Variants in ADARB2 observed in about 807,000 individuals in gnomAD.
ADARB2 encodes inactive double-stranded RNA-specific editase B2.
A neutral mutation model predicts 62.2 loss-of-function variants in ADARB2; 25 were observed. The observed-to-expected ratio is 0.40, with a 90% confidence interval of 0.29 to 0.56. The LOEUF (loss-of-function observed/expected upper bound fraction) is 0.56. Ranked by LOEUF, ADARB2 falls within the 20% of genes least tolerant of loss-of-function variation. ADARB2 has a pLI of 0.43. For synonymous variants in ADARB2, 572 were observed against 500.8 expected (o/e 1.14, Z -1.90); for missense variants, 1,071 against 1,077.4 (o/e 0.99, Z 0.08).
At position 1,499,692 on chromosome 10, in the gene ADARB2, C is replaced by T. The variant is rs181847577; in HGVS notation, c.101-120532G>A. 4.6e-5 allele frequency among the ~76,000 whole-genome samples: 7 copies of T among 152,150 alleles called. No individual in the cohort carries two copies. In the East Asian group the frequency reaches 1.4e-3, roughly 29 times the overall value. ...ACTCACCCATTAGCCATCATTCACT[C>T]ATTACTCACTCATAATTCATTCATC... On this transcript the variant is annotated intron_variant, in intron 1 of 9. Coordinates refer to ENST00000381312, the MANE Select transcript of ADARB2 (RefSeq NM_018702.4).
At chr10:1,469,050 G>C (rs989135811) in intron 1 of ADARB2, among the ~76,000 whole-genome samples, 4 of 152,146 alleles carry the variant, frequency 2.6e-5, no homozygotes, top group Admixed American at 2.6e-4. Flanking sequence ...TCGCTACCCA[G>C]TCTGTTCAGA....
At chr10:1,372,271 G>A (rs572967952) in intron 2 of ADARB2, among the ~76,000 whole-genome samples, 1 of 151,886 alleles carries the variant, frequency 6.6e-6, no homozygotes, top group Non-Finnish European at 1.5e-5. Context: ...GGGTACACAT[G>A]GACATAAAGA....
In ADARB2 at chr10:1,479,864, C is replaced by T. The variant is rs148076803; in HGVS notation, c.101-100704G>A. Among the ~76,000 whole-genome samples the T allele has an allele frequency of 5.6e-3, 855 of 152,256 alleles. 9 individuals carry two copies. The highest frequency in any genetic ancestry group is 0.018 in the African/African-American group (764 of 41,552). ...TTCTCTCAATATCAAGACAAAACAT[C>T]GAAGGACTCCGTGCTTAAGCCAGGT... On this transcript the variant is annotated intron_variant, in intron 1 of 9. Transcript: ENST00000381312.
intron 1 of ADARB2, among the ~76,000 whole-genome samples, chr10:1,613,775 G>A (rs1285752851): frequency 2.0e-5 from 3 of 152,206 alleles, no homozygotes; most frequent in African/African-American, 7.2e-5. Flanking sequence ...AGCTAATAAT[G>A]GAGATAAGGC....
chr10:1,724,746 C>A (rs1463083559), intron 1 of ADARB2, among the ~76,000 whole-genome samples: 1 of 152,202 alleles, frequency 6.6e-6, no homozygotes, highest in African/African-American at 2.4e-5. Context: ...GGGACCCTAG[C>A]CACGTCTACC....
chr10:1,502,136 G>A (rs987256694), intron 1 of ADARB2, among the ~76,000 whole-genome samples: 2 of 152,170 alleles, frequency 1.3e-5, no homozygotes, highest in South Asian at 2.1e-4. Context: ...CATCAAGAAC[G>A]GACACAATAG....
Position 1,363,268 on chromosome 10 carries a change from G to A in ADARB2, c.837C>T (p.Pro279=), listed in dbSNP as rs1218039577. ...ATPAAPGERN[P]VVLLNRLRAG... is the part of the protein sequence containing the mutation. ...CGCGCAGGCGGTTCAGCAGCACCAC[G>A]GGGTTGCGCTCGCCCGGGGCCGCGG... is the stretch of plus-strand genomic sequence containing the variant. Residue 279 remains proline, a synonymous_variant, in exon 3 of 10, where the codon CCC becomes CCT. Transcript: ENST00000381312. 36 of 1,269,944 alleles carry A rather than the reference G, an allele frequency of 2.8e-5. No homozygotes were observed. The highest frequency in any genetic ancestry group is 3.4e-5 in the Non-Finnish European group (34 of 1,006,696). 78.7% of individuals were successfully genotyped at this position (1,269,944 alleles called of 1,614,324 possible).
chr10:1,187,881 G>A (rs1297769638), intron 8 of ADARB2: 1 of 417,418 alleles, frequency 2.4e-6, no homozygotes, highest in South Asian at 1.7e-5. Context: ...TATGTGCACA[G>A]GGAGGACAGT....
intron 1 of ADARB2, among the ~76,000 whole-genome samples, chr10:1,619,434 C>G (rs1220379682): frequency 1.3e-5 from 2 of 151,976 alleles, no homozygotes; most frequent in South Asian, 2.1e-4. Context: ...CAAAAATAAG[C>G]ACTTCATGTA....
At chr10:1,230,980 G>GT (rs1279486434) in intron 6 of ADARB2, among the ~76,000 whole-genome samples, 1 of 152,174 alleles carries the variant, frequency 6.6e-6, no homozygotes, top group African/African-American at 2.4e-5. Context: ...CTCGGAGAAC[G>GT]TATTTGTTTT....
intron 1 of ADARB2, among the ~76,000 whole-genome samples, chr10:1,444,624 C>G (rs1235315311): frequency 6.6e-6 from 1 of 151,168 alleles, no homozygotes; most frequent in Non-Finnish European, 1.5e-5. Context: ...TCCCATCCAT[C>G]TATTCATCTG....
chr10:1,262,258 A>G (rs1452915177), intron 4 of ADARB2, among the ~76,000 whole-genome samples: 1 of 144,532 alleles, frequency 6.9e-6, no homozygotes, highest in Non-Finnish European at 1.5e-5. Flanking sequence ...TAACCTGCAC[A>G]ATGTGCACAT....
intron 1 of ADARB2, among the ~76,000 whole-genome samples, chr10:1,505,292 C>A (rs1250134520): frequency 1.3e-5 from 2 of 151,988 alleles, no homozygotes; most frequent in Non-Finnish European, 2.9e-5. Flanking sequence ...CCGCATCCTG[C>A]GTTGTTGGAA....
chr10:1,418,395 C>G (rs186608074), intron 1 of ADARB2, among the ~76,000 whole-genome samples: 9 of 152,192 alleles, frequency 5.9e-5, no homozygotes, highest in Non-Finnish European at 1.2e-4. Context: ...CAGGGCTGCT[C>G]TGGCAGATCC....
chr10:1,447,133 C>T (rs1830979970), intron 1 of ADARB2, among the ~76,000 whole-genome samples: 2 of 152,194 alleles, frequency 1.3e-5, no homozygotes, highest in South Asian at 4.1e-4. Flanking sequence ...ATTCAATTAG[C>T]AGCCTTCGGA....
intron 1 of ADARB2, among the ~76,000 whole-genome samples, chr10:1,415,547 T>C (rs1832795098): frequency 6.6e-6 from 1 of 152,110 alleles, no homozygotes; most frequent in African/African-American, 2.4e-5. Context: ...GGGAATAGGG[T>C]GACTCTCTCT....
intron 1 of ADARB2, among the ~76,000 whole-genome samples, chr10:1,717,498 C>T (rs1052763624): frequency 1.3e-5 from 2 of 151,556 alleles, no homozygotes; most frequent in African/African-American, 4.8e-5. Context: ...TCCTTCCTTT[C>T]CTTTCTTTCT....
chr10:1,556,415 G>T (rs918350003), intron 1 of ADARB2, among the ~76,000 whole-genome samples: 3 of 152,014 alleles, frequency 2.0e-5, no homozygotes, highest in African/African-American at 7.3e-5. Context: ...ACCCTGTGCC[G>T]ATTCCAGAGT....
At chr10:1,669,489 C>T (rs1564363119) in intron 1 of ADARB2, among the ~76,000 whole-genome samples, 1 of 151,692 alleles carries the variant, frequency 6.6e-6, no homozygotes, top group Non-Finnish European at 1.5e-5. Context: ...CACACACACA[C>T]TCACAGGGAG....
Sources: gnomAD v4.1 joint callset for allele counts (sites outside exome capture counted in the v4.1 genomes callset) on GRCh38, gnomAD v4.1.1 for gene constraint, MANE v1.5 for transcripts, NCBI Gene and HGNC (gene_info 2026-07-23, HGNC 2026-07-21) for gene names.